Variants in CSMD2 observed in about 807,000 individuals in gnomAD.
CSMD2 encodes CUB and sushi domain-containing protein 2.
Under a neutral mutation model 398.5 loss-of-function variants are expected in CSMD2, and 130 were observed. The observed-to-expected ratio is 0.33, with a 90% CI of 0.28 to 0.38. The LOEUF is 0.38. CSMD2 is among the 10% of genes least tolerant of loss of function. The pLI, the probability that CSMD2 is intolerant of heterozygous loss-of-function variation, is 1.00. For synonymous variants in CSMD2, 1,828 were observed against 1,908.5 expected, an observed-to-expected ratio of 0.96 and a Z score of 1.10; for missense variants, 3,829 against 4,764.9, an observed-to-expected ratio of 0.80 and a Z score of 5.78.
chr1:33,720,302 A>T (rs1646316823), intron 19 of CSMD2, among the ~76,000 whole-genome samples: 1 of 152,222 alleles, frequency 6.6e-6, no homozygotes, highest in Non-Finnish European at 1.5e-5. Context: ...AGGGAGACTG[A>T]TGATGAAAAT....
intron 11 of CSMD2, among the ~76,000 whole-genome samples, chr1:33,790,113 A>G (rs549420455): frequency 1.3e-5 from 2 of 152,316 alleles, no homozygotes; most frequent in African/African-American, 4.8e-5. Context: ...TTGGGCACAA[A>G]GAGCTGAGGC....
chr1:33,933,764 T>G (rs183186275), intron 4 of CSMD2, among the ~76,000 whole-genome samples: 33 of 152,164 alleles, frequency 2.2e-4, no homozygotes, highest in Admixed American at 1.8e-3. Context: ...AGGCAGTTCC[T>G]GAGTTAGGAA....
At chr1:33,934,715 GCCA>G (rs1436321613) in intron 4 of CSMD2, among the ~76,000 whole-genome samples, 1 of 151,930 alleles carries the variant, frequency 6.6e-6, no homozygotes, top group South Asian at 2.1e-4. Context: ...ATGATCGTGT[GCCA>G]CGTATGGTGG....
At chr1:33,852,116 T>G (rs1050335842) in intron 5 of CSMD2, among the ~76,000 whole-genome samples, 12 of 147,552 alleles carry the variant, frequency 8.1e-5, no homozygotes, top group South Asian at 5.0e-4. Context: ...ATCTACACCA[T>G]CCTCCTGGTC....
rs371532809 is a variant in CSMD2, at chr1:33,743,506, C to T, written c.1947G>A (p.Leu649=). The stretch of plus-strand genomic sequence containing the variant: ...GGTGGATGCGGCTCTCAGGCCTGGC[C>T]AGGATGAGCCAGACACAGTGGAGGT... The part of the protein sequence containing the change: ...GNHLHCVWLI[L]ARPESRIHLA... Residue 649 remains leucine, a synonymous_variant, in exon 14 of 71, where the codon CTG becomes CTA. Transcript: ENST00000373381. 1 of 1,613,880 alleles carries T rather than the reference C, an allele frequency of 6.2e-7. No individual in the cohort carries two copies. The highest frequency in any genetic ancestry group is 8.5e-7 in the Non-Finnish European group (1 of 1,180,032).
At chr1:33,994,525 C>T (rs763913030) in intron 3 of CSMD2, among the ~76,000 whole-genome samples, 14 of 152,076 alleles carry the variant, frequency 9.2e-5, no homozygotes, top group Non-Finnish European at 1.5e-5. Context: ...CCTTTAAGAT[C>T]CATGAAAGGA....
At chr1:33,784,141 T>C (rs1002083501) in intron 12 of CSMD2, among the ~76,000 whole-genome samples, 1 of 152,182 alleles carries the variant, frequency 6.6e-6, no homozygotes, top group African/African-American at 2.4e-5. Context: ...GGGTTGAGGC[T>C]GAAACCATGG....
At chr1:33,953,297 A>T in intron 3 of CSMD2, among the ~76,000 whole-genome samples, 1 of 152,308 alleles carries the variant, frequency 6.6e-6, no homozygotes, top group East Asian at 1.9e-4. Context: ...ACACCTGCCC[A>T]GGACAGATAC....
At chr1:33,661,502 GC>G (rs1169713309) in intron 26 of CSMD2, among the ~76,000 whole-genome samples, 1 of 152,114 alleles carries the variant, frequency 6.6e-6, no homozygotes, top group Non-Finnish European at 1.5e-5. Flanking sequence ...GTTCTCAGAG[GC>G]CCCATATTGC....
At chr1:33,626,989 A>G (rs1407148250) in intron 32 of CSMD2, among the ~76,000 whole-genome samples, 1 of 152,170 alleles carries the variant, frequency 6.6e-6, no homozygotes, top group Non-Finnish European at 1.5e-5. Context: ...ACTGACATCA[A>G]TCTGAGTTTT....
chr1:33,994,766 G>A (rs1436222199), intron 3 of CSMD2, among the ~76,000 whole-genome samples: 2 of 152,076 alleles, frequency 1.3e-5, no homozygotes, highest in African/African-American at 2.4e-5. Context: ...GTTGGTTTAC[G>A]TAGCTAAGCA....
chr1:33,819,188 C>T (rs1474538007), intron 9 of CSMD2, among the ~76,000 whole-genome samples: 1 of 152,168 alleles, frequency 6.6e-6, no homozygotes, highest in Non-Finnish European at 1.5e-5. Flanking sequence ...GCTCATGTGA[C>T]ACCTGGGGAT....
intron 64 of CSMD2, among the ~76,000 whole-genome samples, chr1:33,529,618 C>T (rs549261272): frequency 6.6e-6 from 1 of 152,206 alleles, no homozygotes; most frequent in African/African-American, 2.4e-5. Context: ...AACCTAATAT[C>T]ATAAAAAATT....
At chr1:33,527,486 T>C (rs569564314) in intron 64 of CSMD2, among the ~76,000 whole-genome samples, 2 of 152,312 alleles carry the variant, frequency 1.3e-5, no homozygotes, top group South Asian at 2.1e-4. Context: ...ATTTTATTAG[T>C]TGGAGTTCTT....
intron 1 of CSMD2, among the ~76,000 whole-genome samples, chr1:34,113,536 G>A (rs896607109): frequency 1.3e-5 from 2 of 152,148 alleles, no homozygotes; most frequent in African/African-American, 2.4e-5. Flanking sequence ...CTTTATAATT[G>A]TAAATCCCTG....
At chr1:33,812,251 T>C (rs1245966974) in intron 9 of CSMD2, among the ~76,000 whole-genome samples, 3 of 152,136 alleles carry the variant, frequency 2.0e-5, no homozygotes, top group Admixed American at 6.5e-5. Flanking sequence ...TGGAAAAACA[T>C]TCACCATCAA....
intron 1 of CSMD2, among the ~76,000 whole-genome samples, chr1:34,109,016 T>C (rs1352134325): frequency 2.0e-5 from 3 of 152,192 alleles, no homozygotes; most frequent in Non-Finnish European, 4.4e-5. Flanking sequence ...TCACCAGCTG[T>C]TGGATGCATC....
chr1:33,766,184 C>T (rs144167271), intron 13 of CSMD2, among the ~76,000 whole-genome samples: 14 of 152,214 alleles, frequency 9.2e-5, no homozygotes, highest in East Asian at 1.9e-4. Flanking sequence ...AGTGTGGGCG[C>T]GCGTGTGTGT....
At chr1:34,074,546 T>C (rs1237169753) in intron 2 of CSMD2, among the ~76,000 whole-genome samples, 3 of 152,188 alleles carry the variant, frequency 2.0e-5, no homozygotes, top group Admixed American at 1.3e-4. Flanking sequence ...CACACTCTAT[T>C]AGGGATCTCT....
Sources: gnomAD v4.1 joint callset for allele counts (sites outside exome capture counted in the v4.1 genomes callset) on GRCh38, gnomAD v4.1.1 for gene constraint, MANE v1.5 for transcripts, NCBI Gene and HGNC (gene_info 2026-07-23, HGNC 2026-07-21) for gene names.